The following RAMP3 variants were observed in gnomAD, a reference collection of about 807,000 sequenced individuals.
RAMP3 encodes receptor activity modifying protein 3.
In RAMP3, 14 loss-of-function variants were observed where a neutral mutation model predicts 13.5. That is an observed-to-expected ratio of 1.04 (90% CI 0.69 to 1.63). The LOEUF is 1.63. RAMP3 is among the 40% of genes most tolerant of loss of function. The pLI is 0.00. For synonymous variants in RAMP3, 106 were observed against 88.3 expected (o/e 1.20, Z -1.12); for missense variants, 200 against 204.8 (o/e 0.98, Z 0.14).
intron 1 of RAMP3, among the ~76,000 whole-genome samples, chr7:45,161,219 G>T (rs956091842): frequency 1.5e-4 from 23 of 152,062 alleles, no homozygotes; most frequent in African/African-American, 5.3e-4. Context: ...GGGGCATGTT[G>T]TCAGGGACCC....
At chr7:45,180,553 C>G (rs1221710925) in intron 2 of RAMP3, among the ~76,000 whole-genome samples, 1 of 152,212 alleles carries the variant, frequency 6.6e-6, no homozygotes, top group East Asian at 1.9e-4. Flanking sequence ...GTCTCATTGC[C>G]CCTCGGGGCA....
At chr7:45,164,679 A>G (rs1266876581) in intron 1 of RAMP3, among the ~76,000 whole-genome samples, 2 of 152,206 alleles carry the variant, frequency 1.3e-5, no homozygotes, top group African/African-American at 2.4e-5. Context: ...ATCTTGATGA[A>G]TTGAGCCCTT....
chr7:45,167,597 C>T (rs1246489267), intron 1 of RAMP3, among the ~76,000 whole-genome samples: 3 of 141,896 alleles, frequency 2.1e-5, no homozygotes, highest in Non-Finnish European at 3.0e-5. Context: ...GAGTTTCATT[C>T]TTGTTGCCCA....
In RAMP3 at chr7:45,183,259, G is replaced by T; in HGVS notation, c.294G>T (p.Arg98Ser). 1.2e-6 allele frequency: 2 copies of T among 1,613,968 alleles called. No homozygotes were observed. Among genetic ancestry groups the T allele is most frequent in the South Asian group, 2.2e-5 (2 of 91,082 alleles). ...AGGGCTTCATCACCGGCATCCACAG[G>T]CAGTTCTTCTCCAACTGCACCGTGG... Reference protein sequence around the residue: ...LAQGFITGIHRQFFSNCTVDR... With the variant: ...LAQGFITGIHSQFFSNCTVDR... Residue 98 changes from arginine to serine, a missense_variant, in exon 3 of 3, where the codon AGG (arginine) becomes AGT (serine). By Grantham distance (110) the Arg-to-Ser change is moderately radical. Transcript: ENST00000242249.
rs1786214552 is a variant in RAMP3, at chr7:45,177,451, A to G, written c.191+10A>G. 6.2e-7 allele frequency: 1 copy of G among 1,613,884 alleles called. No individual in the cohort carries two copies. Among genetic ancestry groups the G allele is most frequent in the Non-Finnish European group, 8.5e-7 (1 of 1,179,930 alleles). ...TGTCCGAGTTCATCGTGTGAGTGCC[A>G]CTGCTGGGCGTGGGATTTGCTCTGA... On this transcript the variant is annotated intron_variant, in intron 2 of 2. Coordinates refer to ENST00000242249, the MANE Select transcript of RAMP3 (RefSeq NM_005856.3).
chr7:45,177,139 G>T (rs1366155104), intron 1 of RAMP3, among the ~76,000 whole-genome samples, 170 bp from the exon 2 acceptor site: 5 of 152,228 alleles, frequency 3.3e-5, no homozygotes, highest in African/African-American at 1.2e-4. Flanking sequence ...CCTCCTTTCT[G>T]CACTGACAGG....
At chr7:45,180,185 G>A (rs1786276690) in intron 2 of RAMP3, among the ~76,000 whole-genome samples, 1 of 152,258 alleles carries the variant, frequency 6.6e-6, no homozygotes, top group African/African-American at 2.4e-5. Context: ...CGGAGCCAAG[G>A]CAGGAGAGGG....
intron 1 of RAMP3, among the ~76,000 whole-genome samples, chr7:45,161,498 G>T (rs1785865188): frequency 6.6e-6 from 1 of 151,822 alleles, no homozygotes; most frequent in Non-Finnish European, 1.5e-5. Flanking sequence ...GAGGTGGGCT[G>T]TAGGAACAGC....
At chr7:45,165,622 T>C (rs1407826491) in intron 1 of RAMP3, among the ~76,000 whole-genome samples, 1 of 152,228 alleles carries the variant, frequency 6.6e-6, no homozygotes, top group Admixed American at 6.5e-5. Flanking sequence ...TTTGCAACCA[T>C]CACTATACTC....
At chr7:45,172,399 T>C (rs1027157595) in intron 1 of RAMP3, among the ~76,000 whole-genome samples, 4 of 152,256 alleles carry the variant, frequency 2.6e-5, no homozygotes, top group African/African-American at 9.6e-5. Flanking sequence ...TTTTCTTGAA[T>C]AACCTTCTTC....
intron 1 of RAMP3, among the ~76,000 whole-genome samples, chr7:45,169,494 TCA>T (rs201688188): frequency 0.026 from 3,889 of 152,322 alleles, 178 homozygotes; most frequent in African/African-American, 0.089. Flanking sequence ...TGAACCAATT[TCA>T]GTAGTTTATG....
intron 2 of RAMP3, among the ~76,000 whole-genome samples, chr7:45,182,943 C>A (rs1786345925): frequency 6.6e-6 from 1 of 152,132 alleles, no homozygotes; most frequent in Non-Finnish European, 1.5e-5. Flanking sequence ...AAGTCATGGT[C>A]ATTGTGATGC....
chr7:45,164,868 T>G (rs755684471), intron 1 of RAMP3, among the ~76,000 whole-genome samples: 1 of 152,266 alleles, frequency 6.6e-6, no homozygotes, highest in Non-Finnish European at 1.5e-5. Context: ...GGATTCTTGT[T>G]GGCAGCCTAC....
At chr7:45,181,753 G>T (rs1227979594) in intron 2 of RAMP3, among the ~76,000 whole-genome samples, 1 of 152,152 alleles carries the variant, frequency 6.6e-6, no homozygotes. Context: ...AGCTGTTGAG[G>T]TGTCTCTAAT....
intron 2 of RAMP3, among the ~76,000 whole-genome samples, chr7:45,181,626 G>C (rs1156870726): frequency 9.2e-5 from 14 of 152,212 alleles, no homozygotes; most frequent in Admixed American, 7.8e-4. Context: ...GGTGTTGTTA[G>C]ACGGCTCCCC....
chr7:45,167,977 G>C (rs773582728), intron 1 of RAMP3, among the ~76,000 whole-genome samples: 8 of 152,116 alleles, frequency 5.3e-5, no homozygotes, highest in Non-Finnish European at 7.3e-5. Flanking sequence ...TACTGCAATG[G>C]GCCAGCTGCG....
At chr7:45,171,482 A>G (rs1037386097) in intron 1 of RAMP3, among the ~76,000 whole-genome samples, 3 of 152,128 alleles carry the variant, frequency 2.0e-5, no homozygotes, top group Admixed American at 1.3e-4. Context: ...ATTTTATTCC[A>G]TTGTGGTCAG....
chr7:45,167,218 A>G (rs1267832080), intron 1 of RAMP3, among the ~76,000 whole-genome samples: 1 of 151,962 alleles, frequency 6.6e-6, no homozygotes, highest in African/African-American at 2.4e-5. Flanking sequence ...CGGCCTCCCA[A>G]AGTGCTGGGA....
chr7:45,173,584 T>C (rs1786120549), intron 1 of RAMP3, among the ~76,000 whole-genome samples: 1 of 152,064 alleles, frequency 6.6e-6, no homozygotes, highest in African/African-American at 2.4e-5. Context: ...GAGCAGGAGG[T>C]GGTGGGCAGT....
Sources: gnomAD v4.1 joint callset for allele counts (sites outside exome capture counted in the v4.1 genomes callset) on GRCh38, gnomAD v4.1.1 for gene constraint, MANE v1.5 for transcripts, NCBI Gene and HGNC (gene_info 2026-07-23, HGNC 2026-07-21) for gene names.